NSMCE2: variants seen among roughly 807,000 people sequenced by gnomAD.
NSMCE2 encodes the protein E3 SUMO-protein ligase NSE2.
NSMCE2 carries 24 observed loss-of-function variants against 23.8 expected under a neutral mutation model. That is an observed-to-expected ratio of 1.01 (90% CI 0.73 to 1.42). NSMCE2 has a LOEUF of 1.42. NSMCE2 is among the 40% of genes most tolerant of loss of function. The pLI is 0.00. For missense variants in NSMCE2, 284 were observed against 296.5 expected (o/e 0.96, Z 0.31); for synonymous variants, 92 against 94.1 (o/e 0.98, Z 0.13).
intron 5 of NSMCE2, among the ~76,000 whole-genome samples, chr8:125,272,740 C>CATATATATACACACGTAT (rs1304629568): frequency 7.6e-6 from 1 of 130,838 alleles, no homozygotes; most frequent in East Asian, 2.0e-4. Flanking sequence ...CACACACACA[C>CATATATATACACACGTAT]ATATATATAC....
chr8:125,186,014 C>T (rs1167320228), intron 5 of NSMCE2, among the ~76,000 whole-genome samples: 1 of 152,180 alleles, frequency 6.6e-6, no homozygotes, highest in African/African-American at 2.4e-5. Flanking sequence ...AACTCTAGAT[C>T]TAGGCCTGGG....
intron 4 of NSMCE2, among the ~76,000 whole-genome samples, chr8:125,171,103 G>A (rs976679824): frequency 2.0e-5 from 3 of 152,052 alleles, no homozygotes; most frequent in Non-Finnish European, 4.4e-5. Flanking sequence ...TAGGTCTCTG[G>A]TTCAGATGTC....
intron 5 of NSMCE2, among the ~76,000 whole-genome samples, chr8:125,185,856 T>A (rs1049908357): frequency 4.6e-5 from 7 of 152,248 alleles, no homozygotes; most frequent in African/African-American, 1.7e-4. Context: ...AATTTTTGGC[T>A]TATTTAAATA....
chr8:125,240,234 T>C (rs1302737977), intron 5 of NSMCE2, among the ~76,000 whole-genome samples: 3 of 151,964 alleles, frequency 2.0e-5, no homozygotes, highest in Non-Finnish European at 2.9e-5. Flanking sequence ...AAGCCATTCT[T>C]CTGCCTCAGC....
intron 5 of NSMCE2, among the ~76,000 whole-genome samples, chr8:125,248,279 C>T (rs1723327015): frequency 6.6e-6 from 1 of 152,184 alleles, no homozygotes; most frequent in South Asian, 2.1e-4. Flanking sequence ...TATTGCCCTA[C>T]TTCTGAGACA....
intron 5 of NSMCE2, among the ~76,000 whole-genome samples, chr8:125,218,672 A>G (rs570151503): frequency 1.3e-5 from 2 of 152,270 alleles, no homozygotes; most frequent in South Asian, 2.1e-4. Flanking sequence ...TCAGCCTTCC[A>G]AAGTGCTAGG....
intron 5 of NSMCE2, among the ~76,000 whole-genome samples, chr8:125,316,084 G>C (rs370571754): frequency 2.0e-5 from 3 of 152,134 alleles, no homozygotes; most frequent in Non-Finnish European, 4.4e-5. Context: ...TGGGATTATA[G>C]GTATGAGCCA....
chr8:125,318,485 A>G (rs1284346017), intron 5 of NSMCE2, among the ~76,000 whole-genome samples: 2 of 152,222 alleles, frequency 1.3e-5, no homozygotes, highest in African/African-American at 4.8e-5. Flanking sequence ...CAATCTATAT[A>G]TGGGGAAGTA....
intron 5 of NSMCE2, among the ~76,000 whole-genome samples, chr8:125,338,484 G>T (rs1164364267): frequency 6.6e-6 from 1 of 152,162 alleles, no homozygotes; most frequent in Non-Finnish European, 1.5e-5. Context: ...TGACAGCAGA[G>T]TGCAAGCATC....
chr8:125,240,414 C>T (rs1183213557), intron 5 of NSMCE2, among the ~76,000 whole-genome samples: 1 of 152,150 alleles, frequency 6.6e-6, no homozygotes, highest in African/African-American at 2.4e-5. Context: ...TGAGCCACCA[C>T]GCCTGGCTTA....
intron 5 of NSMCE2, among the ~76,000 whole-genome samples, chr8:125,304,089 C>T (rs1031997198): frequency 3.9e-5 from 6 of 152,180 alleles, no homozygotes; most frequent in African/African-American, 1.4e-4. Context: ...GACATATATA[C>T]AGGATAAAGT....
chr8:125,314,525 C>G lies in NSMCE2; in HGVS notation c.419-42694C>G, dbSNP rs567795456. Reference sequence around the variant, plus strand: ...CAGGCTGGTCTCGAACTCCTGACTTCGTGATCCACCCGCCTTGGCCTCCCA... The same window carrying G: ...CAGGCTGGTCTCGAACTCCTGACTTGGTGATCCACCCGCCTTGGCCTCCCA... On this transcript the variant is annotated intron_variant, in intron 5 of 7. Transcript: ENST00000287437. Among the ~76,000 whole-genome samples, 22 of 152,262 alleles carry G rather than the reference C, an allele frequency of 1.4e-4. No individual in the cohort carries two copies. The South Asian group carries it at 1.5e-3, about 10-fold the overall frequency.
At chr8:125,321,491 C>T (rs965698225) in intron 5 of NSMCE2, among the ~76,000 whole-genome samples, 5 of 152,162 alleles carry the variant, frequency 3.3e-5, no homozygotes, top group Admixed American at 2.0e-4. Context: ...TCTACAGAAA[C>T]TCTGACAGAA....
chr8:125,322,083 G>C (rs1400268333), intron 5 of NSMCE2, among the ~76,000 whole-genome samples: 1 of 152,064 alleles, frequency 6.6e-6, no homozygotes, highest in Non-Finnish European at 1.5e-5. Flanking sequence ...AGTTTTAAGA[G>C]ATCTTTTTAT....
At chr8:125,102,176 C>G (rs1367867450) in intron 2 of NSMCE2, 30 bp downstream of exon 2, 4 of 629,300 alleles carry the variant, frequency 6.4e-6, no homozygotes, top group African/African-American at 3.7e-5. Context: ...GGTGTCTTCT[C>G]TATAGGATAT....
intron 5 of NSMCE2, among the ~76,000 whole-genome samples, chr8:125,194,107 T>G (rs1382989568): frequency 6.6e-6 from 1 of 152,168 alleles, no homozygotes; most frequent in Non-Finnish European, 1.5e-5. Flanking sequence ...TCTATTATCT[T>G]ATTTAATTTT....
chr8:125,210,797 T>A (rs1365959335), intron 5 of NSMCE2, among the ~76,000 whole-genome samples: 1 of 152,212 alleles, frequency 6.6e-6, no homozygotes, highest in Non-Finnish European at 1.5e-5. Context: ...CACTGCTCAC[T>A]GCAACCTCCA....
At chr8:125,155,508 A>G (rs1821260947) in intron 4 of NSMCE2, among the ~76,000 whole-genome samples, 2 of 152,158 alleles carry the variant, frequency 1.3e-5, no homozygotes, top group Non-Finnish European at 1.5e-5. Flanking sequence ...TTAGTAATAG[A>G]TTTTTGAGTG....
At chr8:125,332,682 T>C (rs896944076) in intron 5 of NSMCE2, among the ~76,000 whole-genome samples, 1 of 152,244 alleles carries the variant, frequency 6.6e-6, no homozygotes, top group Non-Finnish European at 1.5e-5. Flanking sequence ...CTTTGTACAC[T>C]GCTATAGCAA....
Sources: gnomAD v4.1 joint callset for allele counts (sites outside exome capture counted in the v4.1 genomes callset) on GRCh38, gnomAD v4.1.1 for gene constraint, MANE v1.5 for transcripts, NCBI Gene and HGNC (gene_info 2026-07-23, HGNC 2026-07-21) for gene names.